Variants in SLC34A3 observed in about 807,000 individuals in gnomAD.
The protein encoded by SLC34A3 is solute carrier family 34 member 3, also known as sodium-dependent phosphate transport protein 2C.
SLC34A3 carries 60 observed loss-of-function variants against 43.9 expected under a neutral mutation model. That is an observed-to-expected ratio of 1.37 (90% CI 1.11 to 1.70). The LOEUF (loss-of-function observed/expected upper bound fraction) is 1.70, where lower values mean the gene tolerates loss of function less well. Ranked by LOEUF, SLC34A3 falls within the 40% of genes most tolerant of loss-of-function variation. The pLI is 0.00. For synonymous variants in SLC34A3, 451 were observed against 386.2 expected (o/e 1.17, Z -1.97); for missense variants, 969 against 823.8 (o/e 1.18, Z -2.16).
At chr9:137,233,779 T>TTGCCGCCCCCCCCCCCCCCCCCCCCCCCC in intron 8 of SLC34A3, 57 bp downstream of exon 8, 1 of 1,445,826 alleles carries the variant, frequency 6.9e-7, no homozygotes, top group Non-Finnish European at 9.6e-7. Flanking sequence ...TGCTGAGTCA[T>TTGCCGCCCCCCCCCCCCCCCCCCCCCCCC]CCCGCCCCAC....
rs761762096 is a variant in SLC34A3, at chr9:137,234,067, AC to A, written c.926-36del. The A allele has an allele frequency of 2.8e-5, 10 of 352,520 alleles. No individual in the cohort carries two copies. In the South Asian group the frequency reaches 3.0e-4, roughly 10 times the overall value. The allele number at this position is 352,520 out of a possible 1,614,324, so 21.8% of individuals were successfully genotyped here. ...TGTGAGGCCCGGCCCACCCCGGCCCACCCCCCAGGCTCCCCCTCACCTGCCC... is the reference window on the plus strand; with the variant it reads ...TGTGAGGCCCGGCCCACCCCGGCCCACCCCCAGGCTCCCCCTCACCTGCCC... On this transcript the variant is annotated intron_variant, in intron 9 of 12. Coordinates refer to ENST00000673835, the MANE Select transcript of SLC34A3 (RefSeq NM_001177316.2). The surrounding 1 kb of genome is among the most constrained non-coding windows in gnomAD (Gnocchi z 6.9).
At chr9:137,235,927 C>T (rs764923498) in intron 12 of SLC34A3, 25 bp from the exon 13 acceptor site, 8 of 1,607,680 alleles carry the variant, frequency 5.0e-6, no homozygotes, top group Non-Finnish European at 5.1e-6. Context: ...TGGGCCCAGG[C>T]CCCTGACAGC....
intron 3 of SLC34A3, among the ~76,000 whole-genome samples, 163 bp downstream of exon 3, chr9:137,232,324 G>A (rs1361317881): frequency 6.6e-6 from 1 of 152,232 alleles, no homozygotes; most frequent in Non-Finnish European, 1.5e-5. Context: ...GGGTGTCTGT[G>A]CTGTCCTGGG....
Position 137,232,571 on chromosome 9 carries a change from T to C in SLC34A3, c.176-4T>C. 1 of 1,611,698 alleles carries C rather than the reference T, an allele frequency of 6.2e-7. No homozygotes were observed. The highest frequency in any genetic ancestry group is 1.1e-5 in the South Asian group (1 of 91,034). ...GCCAGGGACAGCCTGCCCTGTGTCC[T>C]CAGAGCTCCGCGTGGCCGGCAGGCT... On this transcript the variant is annotated splice_polypyrimidine_tract_variant and splice_region_variant and intron_variant, in intron 3 of 12. Coordinates refer to ENST00000673835, the MANE Select transcript of SLC34A3 (RefSeq NM_001177316.2).
chr9:137,236,189 G>A lies in SLC34A3; in HGVS notation c.1573G>A (p.Val525Met), dbSNP rs775416220. ...TGTCGGGGGTCCCCTGGTGGGGCTG[G>A]TGCTCCTCGTCATCCTGGTTACTGT... ...AAVGGPLVGL[V>M]LLVILVTVLQ... The change falls in exon 13 of 13, where the codon GTG becomes ATG. Residue 525 changes from valine to methionine, a missense_variant. Physicochemically the swap from Val to Met is conservative, Grantham distance 21. Coordinates refer to ENST00000673835, the MANE Select transcript of SLC34A3 (RefSeq NM_001177316.2). 2.6e-5 allele frequency: 42 copies of A among 1,601,376 alleles called. No individual in the cohort carries two copies. Among genetic ancestry groups the A allele is most frequent in the Admixed American group, 5.1e-5 (3 of 58,884 alleles).
At chr9:137,233,512 C>T (rs1836373013) in intron 7 of SLC34A3, 108 bp downstream of exon 7, 1 of 1,569,886 alleles carries the variant, frequency 6.4e-7, no homozygotes, top group Non-Finnish European at 8.7e-7. Flanking sequence ...GGGCCCTGTC[C>T]TGGGACAGGG....
intron 7 of SLC34A3, 112 bp downstream of exon 7, chr9:137,233,516 G>A: frequency 6.4e-7 from 1 of 1,565,232 alleles, no homozygotes; most frequent in Non-Finnish European, 8.8e-7. Flanking sequence ...CCTGTCCTGG[G>A]ACAGGGGAGG....
Position 137,233,898 on chromosome 9 carries a change from G to C in SLC34A3, c.882G>C (p.Pro294=), listed in dbSNP as rs370122685. Residue 294 remains proline (P), a synonymous_variant, in exon 9 of 13, where the codon CCG becomes CCC. Coordinates refer to ENST00000673835, the MANE Select transcript of SLC34A3 (RefSeq NM_001177316.2). The stretch of plus-strand genomic sequence containing the variant: ...ACAGCAGCTGTGGCGCCTTCGGCCC[G>C]TGCACAGAGAAGAACAGCACAGCCC... ...QENSSCGAFG[P]CTEKNSTAPA... is the part of the protein sequence containing the mutation. 4 of 1,606,558 alleles carry C rather than the reference G, an allele frequency of 2.5e-6. No individual in the cohort carries two copies. Among genetic ancestry groups the C allele is most frequent in the Non-Finnish European group, 3.4e-6 (4 of 1,178,072 alleles).
intron 5 of SLC34A3, 36 bp downstream of exon 5, chr9:137,232,963 G>A (rs758362279): frequency 1.2e-6 from 2 of 1,606,148 alleles, no homozygotes; most frequent in Non-Finnish European, 8.5e-7. Context: ...GGTGGGGGGG[G>A]CAGGGTGGGC....
Position 137,236,121 on chromosome 9 carries a change from CGGCCTTCGGGCTCTCCCTGGCAGGG to C in SLC34A3, c.1509_1533del (p.Phe504TrpfsTer55). On this transcript the variant is annotated frameshift_variant, in exon 13 of 13. Transcript: ENST00000673835. LOFTEE classifies it low-confidence loss of function (END_TRUNC). ...CTCGGATTCCTGCTGCTGCCCCTGG[CGGCCTTCGGGCTCTCCCTGGCAGGG>C]GGCATGGAGCTGGCCGCTGTCGGGG... 6.2e-7 allele frequency: 1 copy of C among 1,611,304 alleles called. No homozygotes were observed. Among genetic ancestry groups the C allele is most frequent in the Non-Finnish European group, 8.5e-7 (1 of 1,179,536 alleles).
intron 12 of SLC34A3, 135 bp from the exon 13 acceptor site, chr9:137,235,817 G>A (rs116863920): frequency 1.3e-4 from 102 of 791,412 alleles, no homozygotes; most frequent in East Asian, 5.6e-4. Context: ...CCTCCCAGAC[G>A]GCCATCTCAT....
In SLC34A3 at chr9:137,236,014, A is replaced by C. The variant is rs150944375; in HGVS notation, c.1398A>C (p.Ala466=). The C allele has an allele frequency of 4.3e-6, 7 of 1,612,514 alleles. No individual in the cohort carries two copies. The African/African-American group carries it at 8.0e-5, about 18-fold the overall frequency. The change falls in exon 13 of 13, where the codon GCA becomes GCC. Residue 466 remains alanine (A), a synonymous_variant. Transcript: ENST00000673835. ...TCCTGCTGTGGTACCTGGTGCCTGC[A>C]CTGCGGCTGCCCATCCCGCTGGCCA... ...AGILLWYLVP[A]LRLPIPLARH... is the part of the protein sequence containing the mutation.
Position 137,236,513 on chromosome 9 carries a change from C to G in SLC34A3, c.*97C>G. ...CCCCGCGGCAGCTGACCTCCGGTCA[C>G]CTGCTTCCCCTTCTGTGCAAATAAA... On this transcript the variant is annotated 3_prime_UTR_variant, in exon 13 of 13. Transcript: ENST00000673835. 1.0e-6 allele frequency: 1 copy of G among 985,654 alleles called. No individual in the cohort carries two copies. Among genetic ancestry groups the G allele is most frequent in the Non-Finnish European group, 1.5e-6 (1 of 646,932 alleles). 61.1% of individuals were successfully genotyped at this position (985,654 alleles called of 1,614,324 possible).
In SLC34A3 at chr9:137,232,200, C is replaced by T. The variant is rs538950407; in HGVS notation, c.175+39C>T. On this transcript the variant is annotated intron_variant, in intron 3 of 12. Transcript: ENST00000673835. ...TTCCGGGGGTGGCAGGCTGGCAGGC[C>T]TCTGTCCCCAACGGGACTGGGGAGA... 1.0e-4 allele frequency: 158 copies of T among 1,584,138 alleles called. 1 individual carries two copies. In the East Asian group the frequency reaches 3.4e-3, roughly 34 times the overall value.
In SLC34A3 at chr9:137,232,795, G is replaced by A. The variant is rs142106801; in HGVS notation, c.316G>A (p.Gly106Arg). 1.6e-4 allele frequency: 265 copies of A among 1,613,046 alleles called. No individual in the cohort carries two copies. Among genetic ancestry groups the A allele is most frequent in the Non-Finnish European group, 1.9e-4 (230 of 1,180,008 alleles). Reference sequence around the variant, plus strand: ...TCTTGCCGGTGTAGGCAAAGTGGCCGGAGACATCTTCAAGGACAACGTGGT... The same window carrying A: ...TCTTGCCGGTGTAGGCAAAGTGGCCAGAGACATCTTCAAGGACAACGTGGT... Reference protein sequence around the residue: ...AFQLLGSKVAGDIFKDNVVLS... With the variant: ...AFQLLGSKVARDIFKDNVVLS... Residue 106 changes from glycine to arginine, a missense_variant, in exon 5 of 13, where the codon GGA (glycine) becomes AGA (arginine). Gly to Arg is a moderately radical substitution (Grantham distance 125, BLOSUM62 -2). Coordinates refer to ENST00000673835, the MANE Select transcript of SLC34A3 (RefSeq NM_001177316.2).
In SLC34A3 at chr9:137,232,157, GA is replaced by G; in HGVS notation, c.174del (p.Glu59SerfsTer93). The G allele has an allele frequency of 6.2e-7, 1 of 1,613,018 alleles. No individual in the cohort carries two copies. The highest frequency in any genetic ancestry group is 8.5e-7 in the Non-Finnish European group (1 of 1,179,954). On this transcript the variant is annotated frameshift_variant, in exon 3 of 13. Transcript: ENST00000673835. LOFTEE classifies it high-confidence loss of function. ...AGCTGAAGGACACAAGCCAGCCCTGGAAAGGTGGGTCTGGAGGTTCCGGGGG... is the reference window on the plus strand; with the variant it reads ...AGCTGAAGGACACAAGCCAGCCCTGGAAGGTGGGTCTGGAGGTTCCGGGGG... The part of the protein sequence containing the change: ...PQLKDTSQPW[K>X]ELRVAGRLRR...
Position 137,235,938 on chromosome 9 carries a change from C to G in SLC34A3, c.1336-14C>G. On this transcript the variant is annotated splice_polypyrimidine_tract_variant and intron_variant, in intron 12 of 12. Coordinates refer to ENST00000673835, the MANE Select transcript of SLC34A3 (RefSeq NM_001177316.2). Reference sequence around the variant, plus strand: ...TCGTTGGGCCCAGGCCCCTGACAGCCCCCTCGCCCCCAGGTCGCCCTCATC... The same window carrying G: ...TCGTTGGGCCCAGGCCCCTGACAGCGCCCTCGCCCCCAGGTCGCCCTCATC... 6.2e-7 allele frequency: 1 copy of G among 1,610,444 alleles called. No individual in the cohort carries two copies. The highest frequency in any genetic ancestry group is 1.1e-5 in the South Asian group (1 of 90,982).
In SLC34A3 at chr9:137,232,575, AGCTCCGCGTGGCCGGCAGGCT is replaced by A. The variant is rs749421435; in HGVS notation, c.179_199del (p.Leu60_Leu66del). The A allele has an allele frequency of 2.0e-5, 32 of 1,611,560 alleles. No homozygotes were observed. In the African/African-American group the frequency reaches 3.3e-4, roughly 17 times the overall value. On this transcript the variant is annotated inframe_deletion and splice_region_variant, in exon 4 of 13. Transcript: ENST00000673835. ...GGGACAGCCTGCCCTGTGTCCTCAG[AGCTCCGCGTGGCCGGCAGGCT>A]GCGCCGCGTGGCCGGCAGCGTCCTC...
chr9:137,230,091 C>G (rs1179677102), upstream of SLC34A3, among the ~76,000 whole-genome samples: 1 of 152,202 alleles, frequency 6.6e-6, no homozygotes, highest in African/African-American at 2.4e-5. Context: ...AAGCAGGGCA[C>G]CAGCAGCCCC....
Sources: allele counts gnomAD v4.1 joint callset (sites outside exome capture counted in the v4.1 genomes callset), GRCh38; gene constraint gnomAD v4.1.1; non-coding constraint Gnocchi (gnomAD v3.1); transcripts MANE v1.5; gene names NCBI Gene and HGNC (gene_info 2026-07-23, HGNC 2026-07-21).